The following TECPR2 variants were observed in gnomAD, a reference collection of about 807,000 sequenced individuals.
The protein encoded by TECPR2 is tectonin beta-propeller repeat-containing protein 2.
TECPR2 carries 65 observed loss-of-function variants against 138.1 expected under a neutral mutation model. The ratio of observed to expected loss-of-function variants is 0.47; its 90% confidence interval spans 0.39 to 0.58. TECPR2 has a LOEUF of 0.58. Among genes scored for constraint, TECPR2 ranks in the 20% least tolerant of loss-of-function variants. The pLI, the probability that TECPR2 is intolerant of heterozygous loss-of-function variation, is 0.00. For synonymous variants in TECPR2, 746 were observed against 749.8 expected (o/e 0.99, Z 0.08); for missense variants, 1,553 against 1,824.5 (o/e 0.85, Z 2.71).
intron 17 of TECPR2, among the ~76,000 whole-genome samples, chr14:102,495,853 C>A (rs1039978056): frequency 6.6e-6 from 1 of 152,184 alleles, no homozygotes; most frequent in African/African-American, 2.4e-5. Flanking sequence ...GAGCAGCCGG[C>A]GGGTGAGGAT....
At chr14:102,383,950 C>T (rs1351862602) in intron 2 of TECPR2, among the ~76,000 whole-genome samples, 4 of 139,420 alleles carry the variant, frequency 2.9e-5, no homozygotes, top group South Asian at 4.5e-4. Flanking sequence ...GATGGAGTTT[C>T]GCTCTTGTTG....
chr14:102,405,754 A>G (rs146045409), intron 2 of TECPR2, among the ~76,000 whole-genome samples: 32 of 152,360 alleles, frequency 2.1e-4, no homozygotes, highest in African/African-American at 6.5e-4. Flanking sequence ...TATTCACAGT[A>G]GTTAAAATGG....
rs746599392 is a variant in TECPR2, at chr14:102,376,915, A to G, written c.194A>G (p.Asn65Ser). 6.8e-6 allele frequency: 11 copies of G among 1,613,928 alleles called. No homozygotes were observed. The highest frequency in any genetic ancestry group is 1.6e-4 in the Middle Eastern group (1 of 6,084). The change falls in exon 2 of 20, where the codon AAC becomes AGC. Residue 65 changes from asparagine (N) to serine (S), a missense_variant. By Grantham distance (46) the Asn-to-Ser change is conservative. Coordinates refer to ENST00000359520, the MANE Select transcript of TECPR2 (RefSeq NM_014844.5). ...GMLYLYCRHL[N>S]QMRKYNFEGK... is the part of the protein sequence containing the mutation. ...CTCTATCTGTACTGCCGGCACCTCAACCAGATGAGGAAGTACAACTTTGAG... is the reference window on the plus strand; with the variant it reads ...CTCTATCTGTACTGCCGGCACCTCAGCCAGATGAGGAAGTACAACTTTGAG...
chr14:102,429,348 C>T (rs926375495), intron 7 of TECPR2, among the ~76,000 whole-genome samples: 1 of 152,180 alleles, frequency 6.6e-6, no homozygotes, highest in Non-Finnish European at 1.5e-5. Flanking sequence ...GGGATTAATG[C>T]TCCAAAAGAC....
chr14:102,392,098 C>T (rs2139675915), intron 2 of TECPR2, among the ~76,000 whole-genome samples: 1 of 152,310 alleles, frequency 6.6e-6, no homozygotes, highest in South Asian at 2.1e-4. Flanking sequence ...AAGTGATTCT[C>T]CTGCCTCAGC....
At position 102,434,994 on chromosome 14, in the gene TECPR2, C is replaced by T. The variant is rs371955045; in HGVS notation, c.2177C>T (p.Thr726Ile). 63 of 1,614,008 alleles carry T rather than the reference C, an allele frequency of 3.9e-5. No homozygotes were observed. Among genetic ancestry groups the T allele is most frequent in the Non-Finnish European group, 4.9e-5 (58 of 1,180,032 alleles). Residue 726 changes from threonine (T) to isoleucine (I), a missense_variant, in exon 9 of 20, where the codon ACT (threonine) becomes ATT (isoleucine). By Grantham distance (89) the Thr-to-Ile change is moderately conservative. Coordinates refer to ENST00000359520, the MANE Select transcript of TECPR2 (RefSeq NM_014844.5). ...RVLGSVGGQL[T>I]PVSALAASTH... ...TTGGGGAGTGTGGGAGGACAGCTGA[C>T]TCCGGTCTCTGCCTTGGCAGCCAGC... is the stretch of plus-strand genomic sequence containing the variant.
chr14:102,450,726 G>C, intron 15 of TECPR2, 77 bp downstream of exon 15: 2 of 1,464,134 alleles, frequency 1.4e-6, no homozygotes, highest in Non-Finnish European at 1.9e-6. Flanking sequence ...CAGTCGGACT[G>C]TGGCCTTGTT....
intron 16 of TECPR2, among the ~76,000 whole-genome samples, chr14:102,457,479 T>C (rs1353451810): frequency 2.0e-5 from 3 of 152,224 alleles, no homozygotes; most frequent in Non-Finnish European, 4.4e-5. Flanking sequence ...GCATGGCGGC[T>C]GTCATCAGGT....
chr14:102,495,329 G>A (rs1350597536), intron 17 of TECPR2, among the ~76,000 whole-genome samples: 1 of 152,194 alleles, frequency 6.6e-6, no homozygotes. Context: ...AAGTCTGGAT[G>A]TGTTTGGGAT....
In TECPR2 at chr14:102,431,992, C is replaced by T. The variant is rs1029113803; in HGVS notation, c.1281C>T (p.Leu427=). The T allele has an allele frequency of 5.0e-6, 8 of 1,612,842 alleles. No homozygotes were observed. In the Admixed American group the frequency reaches 8.3e-5, roughly 17 times the overall value. ...GCTCCGGGCTCCTGCCCCCTGGGCT[C>T]CAGGCCACCCCTGAGCTGGGCAAGG... The part of the protein sequence containing the change: ...DSGSGLLPPG[L]QATPELGKGS... Residue 427 remains leucine, a synonymous_variant, in exon 8 of 20, where the codon CTC becomes CTT. Coordinates refer to ENST00000359520, the MANE Select transcript of TECPR2 (RefSeq NM_014844.5).
Position 102,498,961 on chromosome 14 carries a change from TCACCACACAACA to T in TECPR2, c.*713_*724del. ...ACATCTCACCACACCACAGCACACC[TCACCACACAACA>T]CACCACACCCCACACCGCACTGCAC... On this transcript the variant is annotated 3_prime_UTR_variant, in exon 20 of 20. Coordinates refer to ENST00000359520, the MANE Select transcript of TECPR2 (RefSeq NM_014844.5). 1.5e-6 allele frequency: 1 copy of T among 687,118 alleles called. No homozygotes were observed. The highest frequency in any genetic ancestry group is 2.6e-6 in the Non-Finnish European group (1 of 377,572). The allele number at this position is 687,118 out of a possible 1,614,324, so 42.6% of individuals were successfully genotyped here.
At chr14:102,391,214 C>T (rs893901137) in intron 2 of TECPR2, among the ~76,000 whole-genome samples, 9 of 152,080 alleles carry the variant, frequency 5.9e-5, no homozygotes, top group Non-Finnish European at 7.4e-5. Context: ...TGCACCACCA[C>T]GCCCAACCAA....
chr14:102,490,554 G>A (rs973986862), intron 17 of TECPR2, among the ~76,000 whole-genome samples: 1 of 152,190 alleles, frequency 6.6e-6, no homozygotes, highest in Non-Finnish European at 1.5e-5. Flanking sequence ...GCGCCTTCCC[G>A]AGTCACCCGA....
intron 17 of TECPR2, among the ~76,000 whole-genome samples, chr14:102,477,634 T>C (rs1890794267): frequency 7.2e-6 from 1 of 139,482 alleles, no homozygotes; most frequent in Non-Finnish European, 1.5e-5. Context: ...CACTGCAAGC[T>C]CCGCCTCCTG....
intron 4 of TECPR2, among the ~76,000 whole-genome samples, chr14:102,409,351 G>A (rs374909974): frequency 1.3e-5 from 2 of 151,740 alleles, no homozygotes; most frequent in African/African-American, 2.4e-5. Context: ...CCAGGCTGGA[G>A]TGCAGTGGCC....
rs768368628 is a variant in TECPR2, at chr14:102,443,624, G to T, written c.2753-23G>T. 1 of 1,529,984 alleles carries T rather than the reference G, an allele frequency of 6.5e-7. No homozygotes were observed. Among genetic ancestry groups the T allele is most frequent in the Non-Finnish European group, 8.9e-7 (1 of 1,124,796 alleles). 94.8% of individuals were successfully genotyped at this position (1,529,984 alleles called of 1,614,324 possible). On this transcript the variant is annotated intron_variant, in intron 11 of 19. Coordinates refer to ENST00000359520, the MANE Select transcript of TECPR2 (RefSeq NM_014844.5). This position sits in a 1 kb window ranked among gnomAD's most constrained non-coding sequence, Gnocchi z 4.9. ...GGAGTTCTGACTGTGTGTCTTTGGG[G>T]CTTCTTCCCATCTTCCTGGCAGGTC...
intron 17 of TECPR2, 156 bp downstream of exon 17, chr14:102,465,445 T>C: frequency 7.1e-7 from 1 of 1,410,890 alleles, no homozygotes; most frequent in Non-Finnish European, 9.2e-7. Flanking sequence ...TTCATCAACA[T>C]CACAACTGGA....
chr14:102,472,528 T>C (rs1176290156), intron 17 of TECPR2, among the ~76,000 whole-genome samples: 1 of 152,224 alleles, frequency 6.6e-6, no homozygotes, highest in African/African-American at 2.4e-5. Flanking sequence ...TTCTGCTGAA[T>C]AGAGCCACAT....
rs1567342046 is a variant in TECPR2 at position 102,438,228 on chromosome 14, C to G, written c.2578+23C>G. On this transcript the variant is annotated intron_variant, in intron 10 of 19. Transcript: ENST00000359520. Reference sequence around the variant, plus strand: ...CAGGTTCGCCTCCCCGCTCCCTGCTCCCGCTCCCTGCTCCCGCTCGCCGCT... The same window carrying G: ...CAGGTTCGCCTCCCCGCTCCCTGCTGCCGCTCCCTGCTCCCGCTCGCCGCT... 3 of 1,529,070 alleles carry G rather than the reference C, an allele frequency of 2.0e-6. No individual in the cohort carries two copies. The Admixed American group carries it at 5.7e-5, about 29-fold the overall frequency. The allele number at this position is 1,529,070 out of a possible 1,614,324, so 94.7% of individuals were successfully genotyped here.
Sources: allele counts gnomAD v4.1 joint callset (sites outside exome capture counted in the v4.1 genomes callset), GRCh38; gene constraint gnomAD v4.1.1; non-coding constraint Gnocchi (gnomAD v3.1); transcripts MANE v1.5; gene names NCBI Gene and HGNC (gene_info 2026-07-23, HGNC 2026-07-21).